ENTHD1: variants seen among roughly 807,000 people sequenced by gnomAD.
ENTHD1 encodes the protein ENTH domain-containing protein 1.
ENTHD1 carries 23 observed loss-of-function variants against 39.1 expected under a neutral mutation model. That is an observed-to-expected ratio of 0.59 (90% CI 0.42 to 0.83). ENTHD1 has a LOEUF of 0.83. ENTHD1 is among the 40% of genes least tolerant of loss of function. The pLI is 0.00. For missense variants in ENTHD1, 624 were observed against 705.4 expected (o/e 0.88, Z 1.31); for synonymous variants, 230 against 258.2 (o/e 0.89, Z 1.05).
chr22:39,817,146 T>C (rs924184691), intron 5 of ENTHD1, among the ~76,000 whole-genome samples: 2 of 152,100 alleles, frequency 1.3e-5, no homozygotes, highest in African/African-American at 4.8e-5. Context: ...TGTGAGTGAA[T>C]AGGCTGCAAA....
intron 5 of ENTHD1, among the ~76,000 whole-genome samples, chr22:39,794,574 A>G (rs2065531630): frequency 6.6e-6 from 1 of 152,156 alleles, no homozygotes; most frequent in African/African-American, 2.4e-5. Context: ...AGGCTGAGGC[A>G]GATGGATCAC....
intron 6 of ENTHD1, among the ~76,000 whole-genome samples, chr22:39,749,229 C>T (rs193076271): frequency 6.6e-6 from 1 of 152,346 alleles, no homozygotes; most frequent in East Asian, 1.9e-4. Flanking sequence ...CCTGCCCAGG[C>T]TCACTACAGA....
At chr22:39,877,689 G>A (rs2066302845) in intron 2 of ENTHD1, among the ~76,000 whole-genome samples, 1 of 152,036 alleles carries the variant, frequency 6.6e-6, no homozygotes, top group South Asian at 2.1e-4. Flanking sequence ...CTTCTAGCAG[G>A]GGAAGGAAAA....
chr22:39,787,509 A>G (rs1198458696), intron 5 of ENTHD1, among the ~76,000 whole-genome samples: 1 of 152,202 alleles, frequency 6.6e-6, no homozygotes, highest in Non-Finnish European at 1.5e-5. Flanking sequence ...AAAGTTCCCG[A>G]AGGAATTAAA....
intron 5 of ENTHD1, among the ~76,000 whole-genome samples, chr22:39,817,395 T>C (rs2065741909): frequency 6.6e-6 from 1 of 152,194 alleles, no homozygotes; most frequent in South Asian, 2.1e-4. Flanking sequence ...TTTAAAAATA[T>C]GGCAAATCTC....
intron 5 of ENTHD1, among the ~76,000 whole-genome samples, chr22:39,783,042 C>T (rs540457720): frequency 6.6e-6 from 1 of 152,178 alleles, no homozygotes; most frequent in Admixed American, 6.5e-5. Context: ...AAATATTCCA[C>T]AAAAAATTGT....
intron 6 of ENTHD1, among the ~76,000 whole-genome samples, chr22:39,753,503 C>T (rs1349292783): frequency 6.6e-6 from 1 of 152,188 alleles, no homozygotes; most frequent in African/African-American, 2.4e-5. Flanking sequence ...GCTGCCTTCA[C>T]TTTCCTGATA....
At chr22:39,829,974 G>A (rs1445089914) in intron 4 of ENTHD1, among the ~76,000 whole-genome samples, 1 of 151,920 alleles carries the variant, frequency 6.6e-6, no homozygotes, top group African/African-American at 2.4e-5. Context: ...CAAACTCCTT[G>A]GGCTCAAGTG....
At chr22:39,799,284 G>A (rs2146613608) in intron 5 of ENTHD1, among the ~76,000 whole-genome samples, 1 of 152,324 alleles carries the variant, frequency 6.6e-6, no homozygotes, top group African/African-American at 2.4e-5. Context: ...TAGGCAGGTA[G>A]TTCTCAGGCT....
intron 3 of ENTHD1, among the ~76,000 whole-genome samples, chr22:39,839,152 C>A (rs1275277835): frequency 6.6e-6 from 1 of 151,536 alleles, no homozygotes; most frequent in Non-Finnish European, 1.5e-5. Context: ...TGAGGAGGTA[C>A]ATAGTGTTTC....
intron 5 of ENTHD1, among the ~76,000 whole-genome samples, chr22:39,766,867 A>G (rs1350841048): frequency 6.6e-6 from 1 of 152,210 alleles, no homozygotes; most frequent in Non-Finnish European, 1.5e-5. Context: ...TATCTTCACC[A>G]GAAATTCCAT....
Position 39,862,020 on chromosome 22 carries a change from T to C in ENTHD1, c.350-13A>G. On this transcript the variant is annotated splice_polypyrimidine_tract_variant and intron_variant, in intron 2 of 6. Coordinates refer to ENST00000325157, the MANE Select transcript of ENTHD1 (RefSeq NM_152512.4). ...CGGATATAATAACCTGAAAAATACA[T>C]TGACTCTGCTTAGAAAAGGAAATAC... 6.9e-7 allele frequency: 1 copy of C among 1,457,054 alleles called. No individual in the cohort carries two copies. Among genetic ancestry groups the C allele is most frequent in the Non-Finnish European group, 9.2e-7 (1 of 1,086,112 alleles). The allele number at this position is 1,457,054 out of a possible 1,614,324, so 90.3% of individuals were successfully genotyped here. A position where few individuals can be genotyped will look rare whatever the true frequency, so the allele number is the denominator to read the frequency against.
chr22:39,866,897 A>C (rs574317341), intron 2 of ENTHD1, among the ~76,000 whole-genome samples: 13 of 152,166 alleles, frequency 8.5e-5, no homozygotes, highest in Admixed American at 5.2e-4. Context: ...TGCTGAGGAG[A>C]AATCTACATA....
At chr22:39,793,954 G>A (rs1319212273) in intron 5 of ENTHD1, among the ~76,000 whole-genome samples, 1 of 152,106 alleles carries the variant, frequency 6.6e-6, no homozygotes, top group Non-Finnish European at 1.5e-5. Flanking sequence ...CTCTTGTTTG[G>A]TTTCATGTGA....
At chr22:39,798,289 G>A (rs1195576042) in intron 5 of ENTHD1, among the ~76,000 whole-genome samples, 1 of 151,518 alleles carries the variant, frequency 6.6e-6, no homozygotes, top group Non-Finnish European at 1.5e-5. Flanking sequence ...TAGGATTTTG[G>A]TTTTGTTCTT....
intron 3 of ENTHD1, among the ~76,000 whole-genome samples, chr22:39,854,031 G>A (rs1020860014): frequency 2.6e-5 from 4 of 152,146 alleles, no homozygotes; most frequent in Non-Finnish European, 5.9e-5. Context: ...ACCATCCCTG[G>A]ACAGGGATGC....
At chr22:39,843,526 G>A (rs2065963103) in intron 3 of ENTHD1, among the ~76,000 whole-genome samples, 1 of 151,760 alleles carries the variant, frequency 6.6e-6, no homozygotes, top group Non-Finnish European at 1.5e-5. Context: ...CGAGTTAGTG[G>A]GTGCAGCGCA....
At chr22:39,884,046 A>G (rs1601669273) in intron 2 of ENTHD1, among the ~76,000 whole-genome samples, 1 of 149,442 alleles carries the variant, frequency 6.7e-6, no homozygotes, top group South Asian at 2.1e-4. Context: ...GAAATGGAAA[A>G]AAGATCTAAA....
Position 39,801,160 on chromosome 22 carries a change from A to G in ENTHD1, c.832+19833T>C, listed in dbSNP as rs770242703. Among the ~76,000 whole-genome samples the G allele has an allele frequency of 2.0e-5, 3 of 152,272 alleles. No individual in the cohort carries two copies. In the East Asian group the frequency reaches 5.8e-4, roughly 29 times the overall value. ...TATAGGTAGCAAAGCAATGGTAATT[A>G]TCATTACTAAGCACTAAGCACTCCT... On this transcript the variant is annotated intron_variant, in intron 5 of 6. Coordinates refer to ENST00000325157, the MANE Select transcript of ENTHD1 (RefSeq NM_152512.4).
Sources: gnomAD v4.1 joint callset for allele counts (sites outside exome capture counted in the v4.1 genomes callset) on GRCh38, gnomAD v4.1.1 for gene constraint, MANE v1.5 for transcripts, NCBI Gene and HGNC (gene_info 2026-07-23, HGNC 2026-07-21) for gene names.